The following NPC1L1 variants were observed in gnomAD, a reference collection of about 807,000 sequenced individuals.
The protein encoded by NPC1L1 is NPC1-like intracellular cholesterol transporter 1.
In NPC1L1, 98 loss-of-function variants were observed where a neutral mutation model predicts 117.0. That is an observed-to-expected ratio of 0.84 (90% CI 0.71 to 0.99). The LOEUF (loss-of-function observed/expected upper bound fraction) is 0.99, where lower values mean the gene tolerates loss of function less well. NPC1L1 is among the 50% of genes least tolerant of loss of function. The pLI, the probability that NPC1L1 is intolerant of heterozygous loss-of-function variation, is 0.00. For synonymous variants in NPC1L1, 729 were observed against 727.6 expected, an observed-to-expected ratio of 1.00 and a Z score of -0.03; for missense variants, 1,540 against 1,710.0, an observed-to-expected ratio of 0.90 and a Z score of 1.75.
At chr7:44,533,670 G>A in intron 7 of NPC1L1, 69 bp downstream of exon 7, 1 of 1,606,482 alleles carries the variant, frequency 6.2e-7, no homozygotes, top group Non-Finnish European at 8.5e-7. Flanking sequence ...CTGCCCTCTG[G>A]GAACTCCTAG....
chr7:44,519,997 A>T (rs1801302450), intron 14 of NPC1L1, among the ~76,000 whole-genome samples: 1 of 151,954 alleles, frequency 6.6e-6, no homozygotes, highest in Non-Finnish European at 1.5e-5. Flanking sequence ...TTTGTAGAGG[A>T]GGCCGGGCAC....
In NPC1L1 at chr7:44,539,220, C is replaced by T. The variant is rs1461365661; in HGVS notation, c.1177G>A (p.Glu393Lys). The T allele has an allele frequency of 3.7e-6, 6 of 1,614,008 alleles. No individual in the cohort carries two copies. Among genetic ancestry groups the T allele is most frequent in the Middle Eastern group, 3.3e-4 (2 of 6,084 alleles). Reference protein sequence around the residue: ...WSAPNSQARSEKAFHDQHFGP... With the variant: ...WSAPNSQARSKKAFHDQHFGP... ...AAATGCTGGTCATGGAAAGCTTTCT[C>T]ACTCCGGGCTTGGCTGTTGGGGGCC... Residue 393 changes from glutamate to lysine, a missense_variant, in exon 2 of 19, where the codon GAG becomes AAG. Physicochemically the swap from Glu to Lys is moderately conservative, Grantham distance 56. Transcript: ENST00000381160. This position sits in a 1 kb window ranked among gnomAD's most constrained non-coding sequence, Gnocchi z 4.4.
At chr7:44,522,478 G>T (rs934033926) in intron 10 of NPC1L1, among the ~76,000 whole-genome samples, 2 of 152,154 alleles carry the variant, frequency 1.3e-5, no homozygotes, top group African/African-American at 4.8e-5. Flanking sequence ...TACATGCTTA[G>T]AGGTACACAG....
intron 2 of NPC1L1, 123 bp from the exon 3 acceptor site, chr7:44,537,065 G>A (rs947879897): frequency 2.7e-6 from 2 of 738,004 alleles, no homozygotes; most frequent in African/African-American, 3.6e-5. Context: ...TGGGGTGGGG[G>A]ACACTGGCTG....
chr7:44,517,465 G>A (rs1419325458), intron 14 of NPC1L1, 108 bp from the exon 15 acceptor site: 5 of 1,368,858 alleles, frequency 3.7e-6, no homozygotes, highest in South Asian at 1.2e-5. Flanking sequence ...ATCAAGCGGG[G>A]TTCAGGGCTC....
intron 1 of NPC1L1, 66 bp from the exon 2 acceptor site, chr7:44,540,408 G>A (rs1004531855): frequency 4.3e-5 from 61 of 1,429,586 alleles, no homozygotes; most frequent in Middle Eastern, 1.8e-4. Flanking sequence ...GCAGCAGGCA[G>A]CCAGGGAGGG....
In NPC1L1 at chr7:44,540,034, C is replaced by A. The variant is rs769405365; in HGVS notation, c.363G>T (p.Val121=). Residue 121 remains valine, a synonymous_variant, in exon 2 of 19, where the codon GTG becomes GTT. Coordinates refer to ENST00000381160, the MANE Select transcript of NPC1L1 (RefSeq NM_001101648.2). Reference sequence around the variant, plus strand: ...TGCACGTGTTGTGGCAGTGCAGGTTCACAAAATTGTCAGAGCAGGCTGGGC... The same window carrying A: ...TGCACGTGTTGTGGCAGTGCAGGTTAACAAAATTGTCAGAGCAGGCTGGGC... The part of the protein sequence containing the change: ...TRCPACSDNF[V]NLHCHNTCSP... The A allele has an allele frequency of 8.7e-6, 14 of 1,614,092 alleles. No individual in the cohort carries two copies. In the South Asian group the frequency reaches 1.5e-4, roughly 18 times the overall value.
intron 11 of NPC1L1, 37 bp from the exon 12 acceptor site, chr7:44,521,873 C>T (rs1801367889): frequency 6.2e-7 from 1 of 1,613,200 alleles, no homozygotes; most frequent in Non-Finnish European, 8.5e-7. Flanking sequence ...AAAAGGCCAG[C>T]TGGGCAGGGT....
Position 44,521,090 on chromosome 7 carries a change from C to A in NPC1L1, c.2982G>T (p.Met994Ile). Residue 994 changes from methionine (M) to isoleucine (I), a missense_variant, in exon 13 of 19, where the codon ATG (methionine) becomes ATT (isoleucine). This residue lies in a region of NPC1L1 where 742 missense variants were observed against 873.6 expected (regional missense o/e 0.85). Transcript: ENST00000381160. ...GCCTCACAGAGCCCATCGTGATGCTCATGCAGTTCTTTAGGCAGTTCAGAG... is the reference window on the plus strand; with the variant it reads ...GCCTCACAGAGCCCATCGTGATGCTAATGCAGTTCTTTAGGCAGTTCAGAG... ...VNSLNCLKNCMSITMGSVRPS... is the reference protein window; with the variant it reads ...VNSLNCLKNCISITMGSVRPS... 6.2e-7 allele frequency: 1 copy of A among 1,614,198 alleles called. No homozygotes were observed.
rs753302160 is a variant in NPC1L1, at chr7:44,515,940, T to C, written c.3659A>G (p.Asn1220Ser). The C allele has an allele frequency of 5.0e-6, 8 of 1,613,940 alleles. No homozygotes were observed. The highest frequency in any genetic ancestry group is 3.3e-5 in the Admixed American group (2 of 60,004). Residue 1220 changes from asparagine (N) to serine (S), a missense_variant, in exon 18 of 19, where the codon AAC becomes AGC. By Grantham distance (46) the Asn-to-Ser change is conservative. Around this residue, in one of 3 missense-constraint regions of NPC1L1, gnomAD observed 742 missense variants for 873.6 expected, o/e 0.85. Coordinates refer to ENST00000381160, the MANE Select transcript of NPC1L1 (RefSeq NM_001101648.2). ...GCCCAGGACAAGGATGCCAGGCAGG[T>C]TGGTCATGGCCACACCTGCAAACAC... The part of the protein sequence containing the change: ...SAVFAGVAMT[N>S]LPGILVLGLA...
intron 6 of NPC1L1, 28 bp from the exon 7 acceptor site, chr7:44,533,881 C>T (rs1363416481): frequency 6.4e-7 from 1 of 1,574,294 alleles, no homozygotes; most frequent in African/African-American, 1.3e-5. Flanking sequence ...GGATAAGAGC[C>T]AGGGCCCTCC....
intron 14 of NPC1L1, chr7:44,518,731 AC>A: frequency 3.4e-6 from 4 of 1,186,556 alleles, no homozygotes; most frequent in Non-Finnish European, 4.3e-6. Flanking sequence ...TGAAAAAGAA[AC>A]AATAGTGCTA....
rs970763972 is a variant in NPC1L1, at chr7:44,534,970, A to C, written c.1984-341T>G. On this transcript the variant is annotated intron_variant, in intron 5 of 18. Coordinates refer to ENST00000381160, the MANE Select transcript of NPC1L1 (RefSeq NM_001101648.2). This position sits in a 1 kb window ranked among gnomAD's most constrained non-coding sequence, Gnocchi z 5.2. ...GCTCTTAGGCCAGGTGTGCTGGCTC[A>C]CACCTGTAATCTCAACATTTTGGGA... 3.3e-5 allele frequency among the ~76,000 whole-genome samples: 5 copies of C among 152,172 alleles called. No homozygotes were observed. Among genetic ancestry groups the C allele is most frequent in the African/African-American group, 9.7e-5 (4 of 41,446 alleles).
chr7:44,525,778 G>A (rs1801496023), intron 10 of NPC1L1, among the ~76,000 whole-genome samples: 1 of 152,064 alleles, frequency 6.6e-6, no homozygotes, highest in Admixed American at 6.5e-5. Flanking sequence ...AAAAAGAAGT[G>A]ACTTGGCATA....
At position 44,516,744 on chromosome 7, in the gene NPC1L1, C is replaced by T. The variant is rs377675595; in HGVS notation, c.3478G>A (p.Gly1160Ser). 6.3e-5 allele frequency: 101 copies of T among 1,613,080 alleles called. No homozygotes were observed. The highest frequency in any genetic ancestry group is 8.1e-5 in the Non-Finnish European group (96 of 1,179,658). ...AGGGACACAGCATTGTAACTGATGC[C>T]CCACAGGGCCATGAAGCCGACAGTG... ...VDTVGFMALW[G>S]ISYNAVSLIN... The change falls in exon 16 of 19, where the codon GGC (glycine) becomes AGC (serine). Residue 1160 changes from glycine to serine, a missense_variant. By Grantham distance (56) the Gly-to-Ser change is moderately conservative (BLOSUM62 0). Transcript: ENST00000381160.
At chr7:44,532,000 C>A (rs1471491215) in intron 9 of NPC1L1, 80 bp downstream of exon 9, 3 of 1,605,882 alleles carry the variant, frequency 1.9e-6, no homozygotes, top group Non-Finnish European at 1.7e-6. Context: ...TAGGCAACCT[C>A]CCCACCTCCA....
chr7:44,527,645 A>T (rs910413373), intron 10 of NPC1L1, among the ~76,000 whole-genome samples: 2 of 152,036 alleles, frequency 1.3e-5, no homozygotes, highest in Non-Finnish European at 2.9e-5. Context: ...ACACCACTGC[A>T]TCTCAGCCTG....
intron 14 of NPC1L1, among the ~76,000 whole-genome samples, chr7:44,517,671 T>C (rs1485444877): frequency 6.6e-6 from 1 of 152,190 alleles, no homozygotes; most frequent in African/African-American, 2.4e-5. Flanking sequence ...ATGCATTGGA[T>C]TTTTAAAATT....
rs1030663487 is a variant in NPC1L1 at position 44,513,826 on chromosome 7, C to T, written c.3797-177G>A. ...AGCTTCAGGGATGTCCTGGTCCCTC[C>T]ATCCCCCAAGCATTTTGGGAACCTC... is the stretch of plus-strand genomic sequence containing the variant. On this transcript the variant is annotated intron_variant, in intron 18 of 18. Coordinates refer to ENST00000381160, the MANE Select transcript of NPC1L1 (RefSeq NM_001101648.2). Among the ~76,000 whole-genome samples the T allele has an allele frequency of 2.6e-5, 4 of 152,230 alleles. No homozygotes were observed. In the South Asian group the frequency reaches 8.3e-4, roughly 31 times the overall value.
Sources: allele counts gnomAD v4.1 joint callset (sites outside exome capture counted in the v4.1 genomes callset), GRCh38; gene constraint gnomAD v4.1.1; regional missense constraint gnomAD v4.1.1; non-coding constraint Gnocchi (gnomAD v3.1); transcripts MANE v1.5; gene names NCBI Gene and HGNC (gene_info 2026-07-23, HGNC 2026-07-21).